The following TBC1D32 variants were observed in gnomAD, a reference collection of about 807,000 sequenced individuals.
TBC1D32 encodes the protein TBC1 domain family member 32.
Under a neutral mutation model 170.3 loss-of-function variants are expected in TBC1D32, and 151 were observed. That is an observed-to-expected ratio of 0.89 (90% confidence interval 0.78 to 1.01). TBC1D32 has a LOEUF of 1.01. Among genes scored for constraint, TBC1D32 ranks in the 50% least tolerant of loss-of-function variants. The probability of loss-of-function intolerance (pLI) is 0.00; values close to 1 mark genes in which losing one functional copy is unlikely to be tolerated. For missense variants in TBC1D32, 1,464 were observed against 1,457.1 expected (o/e 1.00, Z -0.08); for synonymous variants, 498 against 488.0 (o/e 1.02, Z -0.27).
At chr6:121,329,735 T>C (rs1583795025) in intron 1 of TBC1D32, among the ~76,000 whole-genome samples, 1 of 152,090 alleles carries the variant, frequency 6.6e-6, no homozygotes, top group Non-Finnish European at 1.5e-5. Context: ...ACTAATTTTT[T>C]AAAAAATATT....
At chr6:121,328,174 G>A (rs551476818) in intron 1 of TBC1D32, among the ~76,000 whole-genome samples, 1 of 152,124 alleles carries the variant, frequency 6.6e-6, no homozygotes, top group East Asian at 1.9e-4. Context: ...ACTGACATGG[G>A]TTACAATAAA....
chr6:121,115,733 AGTT>A (rs1269097867), intron 26 of TBC1D32: 1 of 152,330 alleles, frequency 6.6e-6, no homozygotes, highest in African/African-American at 2.4e-5. Flanking sequence ...TTTGCGAAGT[AGTT>A]GTTGTAATCA....
chr6:121,081,347 C>T (rs1035763861), intron 31 of TBC1D32, among the ~76,000 whole-genome samples: 1 of 152,060 alleles, frequency 6.6e-6, no homozygotes, highest in African/African-American at 2.4e-5. Context: ...CACATCTATA[C>T]TAATTTGGAA....
At chr6:121,257,626 T>C (rs1799213447) in intron 15 of TBC1D32, among the ~76,000 whole-genome samples, 1 of 152,208 alleles carries the variant, frequency 6.6e-6, no homozygotes, top group African/African-American at 2.4e-5. Context: ...TTTATCAATT[T>C]GCATACTAAC....
chr6:121,231,860 C>T (rs1795781680), intron 20 of TBC1D32, among the ~76,000 whole-genome samples: 1 of 152,144 alleles, frequency 6.6e-6, no homozygotes, highest in African/African-American at 2.4e-5. Context: ...TTCTCCCACT[C>T]TGTGGGTTGT....
chr6:121,107,861 A>G (rs1778841522), intron 29 of TBC1D32, among the ~76,000 whole-genome samples: 1 of 152,014 alleles, frequency 6.6e-6, no homozygotes, highest in South Asian at 2.1e-4. Flanking sequence ...ATTAAGAGAT[A>G]AAGACAATAG....
At chr6:121,333,793 G>C (rs1229662235) in intron 1 of TBC1D32, among the ~76,000 whole-genome samples, 1 of 152,180 alleles carries the variant, frequency 6.6e-6, no homozygotes, top group Non-Finnish European at 1.5e-5. Context: ...GCGGCCGGGC[G>C]CGGTGGCTCA....
At chr6:121,230,399 G>A (rs752435412) in intron 20 of TBC1D32, among the ~76,000 whole-genome samples, 4 of 151,776 alleles carry the variant, frequency 2.6e-5, no homozygotes, top group Admixed American at 6.6e-5. Context: ...AAAGGTTATT[G>A]GTAAATATAT....
upstream of TBC1D32, chr6:121,334,487 C>T (rs1811629547): frequency 1.3e-6 from 2 of 1,548,694 alleles, no homozygotes; most frequent in East Asian, 2.4e-5. Context: ...AAGCCGCGCA[C>T]TGCGCACGCG....
intron 21 of TBC1D32, among the ~76,000 whole-genome samples, chr6:121,214,643 G>A (rs531162690): frequency 3.3e-5 from 5 of 152,304 alleles, no homozygotes; most frequent in African/African-American, 1.2e-4. Flanking sequence ...GCCCCAAAGA[G>A]GGTGTCACAG....
chr6:121,138,772 A>C (rs140581601), intron 24 of TBC1D32, among the ~76,000 whole-genome samples: 1 of 152,346 alleles, frequency 6.6e-6, no homozygotes, highest in African/African-American at 2.4e-5. Flanking sequence ...ACAGAATACA[A>C]AAGGCTTTTA....
chr6:121,304,327 C>A, intron 8 of TBC1D32, 38 bp downstream of exon 8: 1 of 1,599,200 alleles, frequency 6.3e-7, no homozygotes, highest in Non-Finnish European at 8.6e-7. Flanking sequence ...AGTAACACCG[C>A]TAGGTTTTAT....
Position 121,179,407 on chromosome 6 carries a change from C to T in TBC1D32, c.2571-18351G>A, listed in dbSNP as rs1472340560. On this transcript the variant is annotated intron_variant, in intron 22 of 31. Transcript: ENST00000398212. ...TTACTTATAACATACCAGCAATAAC[C>T]AATGAAGCATTACCATGGAAGAAGA... 5.4e-5 allele frequency among the ~76,000 whole-genome samples: 8 copies of T among 149,044 alleles called. No individual in the cohort carries two copies. The South Asian group carries it at 1.7e-3, about 31-fold the overall frequency.
chr6:121,317,802 T>C, intron 2 of TBC1D32, 130 bp from the exon 3 acceptor site: 2 of 553,428 alleles, frequency 3.6e-6, no homozygotes, highest in Non-Finnish European at 2.9e-6. Flanking sequence ...AGGAGAAAAA[T>C]CGAACTCAAT....
At chr6:121,246,836 G>T (rs985034459) in intron 17 of TBC1D32, among the ~76,000 whole-genome samples, 1 of 151,598 alleles carries the variant, frequency 6.6e-6, no homozygotes, top group African/African-American at 2.4e-5. Context: ...CAAAGACAAA[G>T]AAAAACTCTC....
intron 30 of TBC1D32, among the ~76,000 whole-genome samples, chr6:121,102,432 C>T (rs1428051816): frequency 1.3e-5 from 2 of 152,060 alleles, no homozygotes; most frequent in African/African-American, 4.8e-5. Context: ...AGAAATAATA[C>T]CACACATCTA....
intron 15 of TBC1D32, among the ~76,000 whole-genome samples, chr6:121,262,569 C>G (rs1799903488): frequency 6.6e-6 from 1 of 151,904 alleles, no homozygotes; most frequent in Non-Finnish European, 1.5e-5. Context: ...CTCCTCCTCC[C>G]AGGTTCAAGC....
At chr6:121,199,633 G>A (rs529056169) in intron 22 of TBC1D32, among the ~76,000 whole-genome samples, 4 of 151,162 alleles carry the variant, frequency 2.6e-5, no homozygotes, top group Non-Finnish European at 2.9e-5. Flanking sequence ...AGATGTGTGT[G>A]TATATGTATA....
Position 121,161,013 on chromosome 6 carries a change from G to C in TBC1D32, c.2614C>G (p.Leu872Val), listed in dbSNP as rs757650575. ...CCACCAACAAGATTTATTCTAACAA[G>C]AACATGATTTCTCTCCACTGATAAG... ...DGLSVERNHV[L>V]VRINLVGGPL... The change falls in exon 23 of 32, where the codon CTT (leucine) becomes GTT (valine). Residue 872 changes from leucine to valine, a missense_variant. Transcript: ENST00000398212. 2.7e-5 allele frequency: 44 copies of C among 1,613,276 alleles called. No homozygotes were observed. Among genetic ancestry groups the C allele is most frequent in the Non-Finnish European group, 3.6e-5 (43 of 1,179,742 alleles).
Sources: allele counts gnomAD v4.1 joint callset (sites outside exome capture counted in the v4.1 genomes callset), GRCh38; gene constraint gnomAD v4.1.1; transcripts MANE v1.5; gene names NCBI Gene and HGNC (gene_info 2026-07-23, HGNC 2026-07-21).